The following MAGI1 variants were observed in gnomAD, a reference collection of about 807,000 sequenced individuals.
MAGI1 encodes the protein membrane-associated guanylate kinase, WW and PDZ domain-containing protein 1.
A neutral mutation model predicts 139.9 loss-of-function variants in MAGI1; 58 were observed. That is an observed-to-expected ratio of 0.41 (90% CI 0.34 to 0.52). The LOEUF is 0.52. MAGI1 is among the 20% of genes least tolerant of loss of function. The pLI, the probability that MAGI1 is intolerant of heterozygous loss-of-function variation, is 0.12. For missense variants in MAGI1, 1,874 were observed against 1,901.6 expected, an observed-to-expected ratio of 0.99 and a Z score of 0.27; for synonymous variants, 812 against 737.9, an observed-to-expected ratio of 1.10 and a Z score of -1.63.
intron 1 of MAGI1, among the ~76,000 whole-genome samples, chr3:65,809,110 ATTAAGAAATGCAT>A (rs2041057774): frequency 6.6e-6 from 1 of 152,220 alleles, no homozygotes; most frequent in African/African-American, 2.4e-5. Context: ...TGGGTAGGTT[ATTAAGAAATGCAT>A]TTACACTGAA....
chr3:65,892,018 C>A (rs2060792086), intron 1 of MAGI1, among the ~76,000 whole-genome samples: 1 of 145,504 alleles, frequency 6.9e-6, no homozygotes, highest in Admixed American at 7.0e-5. Context: ...AGATACACCC[C>A]CTCCCATATT....
chr3:65,868,415 G>A lies in MAGI1; in HGVS notation c.313+169581C>T, dbSNP rs2059803724. On this transcript the variant is annotated intron_variant, in intron 1 of 22. Transcript: ENST00000402939. ...TGACACAACACACCAAATGTTGACG[G>A]GTAGAGCGCAGATTCAAAATGCTGT... Among the ~76,000 whole-genome samples, 4 of 152,158 alleles carry A rather than the reference G, an allele frequency of 2.6e-5. No homozygotes were observed. The South Asian group carries it at 8.3e-4, about 32-fold the overall frequency.
chr3:65,427,791 G>A (rs1947165249), intron 12 of MAGI1, among the ~76,000 whole-genome samples: 1 of 152,118 alleles, frequency 6.6e-6, no homozygotes, highest in Non-Finnish European at 1.5e-5. Flanking sequence ...GTATGAAAGT[G>A]CTTTGTGTAT....
intron 2 of MAGI1, among the ~76,000 whole-genome samples, chr3:65,524,627 C>T (rs2078305309): frequency 6.6e-6 from 1 of 152,190 alleles, no homozygotes; most frequent in East Asian, 1.9e-4. Flanking sequence ...AAAGTGTCAA[C>T]ACATCCTACT....
At chr3:65,405,696 G>A (rs1945276736) in intron 12 of MAGI1, among the ~76,000 whole-genome samples, 1 of 152,042 alleles carries the variant, frequency 6.6e-6, no homozygotes, top group South Asian at 2.1e-4. Context: ...CCGGGTTCAA[G>A]CAATTCTCCT....
chr3:65,922,977 G>A (rs2062292967), intron 1 of MAGI1, among the ~76,000 whole-genome samples: 1 of 152,176 alleles, frequency 6.6e-6, no homozygotes. Context: ...ATCTGGCTAT[G>A]CTGAACATAA....
intron 1 of MAGI1, among the ~76,000 whole-genome samples, chr3:65,968,009 G>T (rs1371963432): frequency 6.6e-6 from 1 of 152,220 alleles, no homozygotes. Flanking sequence ...TATGACTGGT[G>T]CTGTACGGAA....
chr3:65,889,969 T>G (rs2060678226), intron 1 of MAGI1, among the ~76,000 whole-genome samples: 1 of 152,192 alleles, frequency 6.6e-6, no homozygotes, highest in Non-Finnish European at 1.5e-5. Flanking sequence ...CAAGCAAGCT[T>G]TGTGCCTTTC....
chr3:65,778,926 C>A (rs998717730), intron 1 of MAGI1, among the ~76,000 whole-genome samples: 1 of 152,148 alleles, frequency 6.6e-6, no homozygotes, highest in Non-Finnish European at 1.5e-5. Context: ...TAATGGTTAT[C>A]ACAATTAGGA....
At chr3:65,966,210 A>ACC (rs2064732283) in intron 1 of MAGI1, among the ~76,000 whole-genome samples, 1 of 152,188 alleles carries the variant, frequency 6.6e-6, no homozygotes, top group Non-Finnish European at 1.5e-5. Context: ...CTGCCAAAAT[A>ACC]CCCCATGGTA....
chr3:65,632,631 G>C (rs2084377718), intron 1 of MAGI1, among the ~76,000 whole-genome samples: 1 of 152,176 alleles, frequency 6.6e-6, no homozygotes, highest in African/African-American at 2.4e-5. Context: ...AAAAAGCTAA[G>C]ATAACTATTT....
At chr3:65,386,441 T>G (rs1160494805) in intron 14 of MAGI1, among the ~76,000 whole-genome samples, 4 of 152,216 alleles carry the variant, frequency 2.6e-5, no homozygotes, top group African/African-American at 9.6e-5. Context: ...ACTTTAATTT[T>G]GGTATTTTAA....
At chr3:65,517,170 C>G (rs1404078779) in intron 2 of MAGI1, among the ~76,000 whole-genome samples, 1 of 152,122 alleles carries the variant, frequency 6.6e-6, no homozygotes, top group Non-Finnish European at 1.5e-5. Flanking sequence ...TAGACTACTC[C>G]AGAAAGAATC....
intron 2 of MAGI1, among the ~76,000 whole-genome samples, chr3:65,506,404 T>A (rs2107724324): frequency 6.6e-6 from 1 of 152,322 alleles, no homozygotes; most frequent in East Asian, 1.9e-4. Flanking sequence ...GAAGGAAGAC[T>A]ATGGATCACT....
chr3:65,988,296 A>C (rs1212881412), intron 1 of MAGI1, among the ~76,000 whole-genome samples: 3 of 152,008 alleles, frequency 2.0e-5, no homozygotes, highest in Non-Finnish European at 4.4e-5. Context: ...GCTATTTTTG[A>C]GGTGAAAGTT....
At chr3:65,965,223 T>A (rs1335068245) in intron 1 of MAGI1, among the ~76,000 whole-genome samples, 1 of 152,220 alleles carries the variant, frequency 6.6e-6, no homozygotes, top group African/African-American at 2.4e-5. Flanking sequence ...CGAGGATCAT[T>A]TAATTCAGTG....
chr3:65,942,894 A>T (rs1442681514), intron 1 of MAGI1, among the ~76,000 whole-genome samples: 1 of 151,908 alleles, frequency 6.6e-6, no homozygotes, highest in Admixed American at 6.6e-5. Flanking sequence ...GGTGGTGTGC[A>T]CCTGTAATCC....
chr3:65,682,128 T>C (rs2087635644), intron 1 of MAGI1, among the ~76,000 whole-genome samples: 2 of 152,328 alleles, frequency 1.3e-5, no homozygotes, highest in South Asian at 4.1e-4. Flanking sequence ...ATTTATTTCC[T>C]TTAGTAAAAC....
intron 5 of MAGI1, among the ~76,000 whole-genome samples, chr3:65,468,752 T>G (rs946664098): frequency 1.3e-5 from 2 of 151,940 alleles, no homozygotes; most frequent in Non-Finnish European, 2.9e-5. Flanking sequence ...TACCTAATTT[T>G]CATTGTTTTT....
Sources: allele counts gnomAD v4.1 joint callset (sites outside exome capture counted in the v4.1 genomes callset), GRCh38; gene constraint gnomAD v4.1.1; transcripts MANE v1.5; gene names NCBI Gene and HGNC (gene_info 2026-07-23, HGNC 2026-07-21).